Variants in HABP4 observed in about 807,000 individuals in gnomAD.
HABP4 encodes hyaluronan binding protein 4, also known as intracellular hyaluronan-binding protein 4.
In HABP4, 32 loss-of-function variants were observed where a neutral mutation model predicts 44.1. The ratio of observed to expected loss-of-function variants is 0.73; its 90% confidence interval spans 0.55 to 0.97. The LOEUF (loss-of-function observed/expected upper bound fraction) is 0.97, where lower values mean the gene tolerates loss of function less well. Among genes scored for constraint, HABP4 ranks in the 50% least tolerant of loss-of-function variants. The pLI is 0.00. For synonymous variants in HABP4, 216 were observed against 218.0 expected, an observed-to-expected ratio of 0.99 and a Z score of 0.08; for missense variants, 503 against 561.9, an observed-to-expected ratio of 0.90 and a Z score of 1.06.
intron 1 of HABP4, among the ~76,000 whole-genome samples, chr9:96,456,792 T>A (rs1425305089): frequency 0.012 from 909 of 74,124 alleles, 6 homozygotes; most frequent in African/African-American, 0.016. Flanking sequence ...TATATATATA[T>A]ATATATATAT....
chr9:96,485,900 A>AT (rs1487380782), intron 6 of HABP4, among the ~76,000 whole-genome samples: 1 of 151,918 alleles, frequency 6.6e-6, no homozygotes, highest in East Asian at 1.9e-4. Flanking sequence ...GGTTAGTTTC[A>AT]TTTTCTGAGT....
Position 96,490,297 on chromosome 9 carries a change from T to C in HABP4, c.*259T>C, listed in dbSNP as rs959976836. On this transcript the variant is annotated 3_prime_UTR_variant, in exon 8 of 8. Transcript: ENST00000375249. Reference sequence around the variant, plus strand: ...CAAATGAAGAATAATGTTTAAAATGTGTATATAGAGATAGTATAGACTCCT... The same window carrying C: ...CAAATGAAGAATAATGTTTAAAATGCGTATATAGAGATAGTATAGACTCCT... 1.9e-6 allele frequency: 1 copy of C among 523,392 alleles called. No homozygotes were observed. Among genetic ancestry groups the C allele is most frequent in the Admixed American group, 3.2e-5 (1 of 31,052 alleles). The allele number at this position is 523,392 out of a possible 1,614,324, so 32.4% of individuals were successfully genotyped here.
intron 5 of HABP4, among the ~76,000 whole-genome samples, chr9:96,478,410 C>T (rs968318157): frequency 2.0e-5 from 3 of 152,046 alleles, no homozygotes; most frequent in South Asian, 2.1e-4. Flanking sequence ...GGATTACAGG[C>T]GTGAGCCACC....
chr9:96,472,751 G>T (rs779003710), intron 5 of HABP4, among the ~76,000 whole-genome samples: 11 of 152,156 alleles, frequency 7.2e-5, no homozygotes, highest in Non-Finnish European at 1.2e-4. Context: ...TCCGTCAGCT[G>T]CCTCTTTCAG....
intron 4 of HABP4, among the ~76,000 whole-genome samples, chr9:96,470,432 G>A (rs977704886): frequency 1.3e-5 from 2 of 152,062 alleles, no homozygotes; most frequent in African/African-American, 2.4e-5. Flanking sequence ...TGCCGGCCTG[G>A]AACCTTCATT....
intron 7 of HABP4, 97 bp from the exon 8 acceptor site, chr9:96,489,885 G>A (rs573966993): frequency 1.0e-5 from 8 of 803,626 alleles, no homozygotes; most frequent in Non-Finnish European, 1.8e-5. Context: ...TCTAATGCAG[G>A]CCCCTCAGCG....
intron 2 of HABP4, among the ~76,000 whole-genome samples, chr9:96,459,830 T>A (rs1832468682): frequency 6.6e-6 from 1 of 152,230 alleles, no homozygotes; most frequent in East Asian, 1.9e-4. Flanking sequence ...ACTGTTCACC[T>A]GGAAGTTACA....
intron 5 of HABP4, among the ~76,000 whole-genome samples, chr9:96,475,474 T>C (rs1486686162): frequency 6.6e-6 from 1 of 152,074 alleles, no homozygotes; most frequent in Non-Finnish European, 1.5e-5. Flanking sequence ...TGCTACCATG[T>C]CTTAATTCAT....
At chr9:96,482,826 CTT>C (rs559997497) in intron 5 of HABP4, among the ~76,000 whole-genome samples, 2 of 151,546 alleles carry the variant, frequency 1.3e-5, no homozygotes, top group African/African-American at 4.9e-5. Context: ...TGTATTAATA[CTT>C]TGTTTCTTTT....
chr9:96,472,484 C>T (rs118189037), intron 5 of HABP4, among the ~76,000 whole-genome samples: 1,818 of 152,284 alleles, frequency 0.012, 19 homozygotes, highest in Non-Finnish European at 0.018. Flanking sequence ...TCATCATCCT[C>T]CCACTGCCAA....
chr9:96,474,564 G>A (rs1832749689), intron 5 of HABP4, among the ~76,000 whole-genome samples: 2 of 152,120 alleles, frequency 1.3e-5, no homozygotes, highest in Admixed American at 6.5e-5. Flanking sequence ...CTGCTGACCT[G>A]GGGGGAAAGT....
chr9:96,490,146 C>T lies in HABP4; in HGVS notation c.*108C>T. The T allele has an allele frequency of 1.3e-6, 1 of 742,636 alleles. No homozygotes were observed. The highest frequency in any genetic ancestry group is 1.5e-5 in the South Asian group (1 of 65,736). 46.0% of individuals were successfully genotyped at this position (742,636 alleles called of 1,614,324 possible). A position where few individuals can be genotyped will look rare whatever the true frequency, so the allele number is the denominator to read the frequency against. On this transcript the variant is annotated 3_prime_UTR_variant, in exon 8 of 8. Transcript: ENST00000375249. ...CTAAGAACAATAGATGTTGCTTTTC[C>T]CGTGTCATGTAAATTTGTTGCACTT... is the stretch of plus-strand genomic sequence containing the variant.
intron 4 of HABP4, among the ~76,000 whole-genome samples, chr9:96,467,496 CTCTTTT>C (rs1174706604): frequency 1.2e-4 from 18 of 147,714 alleles, no homozygotes; most frequent in Admixed American, 6.7e-4. Context: ...CTTTCTCTTT[CTCTTTT>C]TCTTTTTCTT....
chr9:96,487,869 C>G (rs901069567), intron 6 of HABP4, among the ~76,000 whole-genome samples: 1 of 152,178 alleles, frequency 6.6e-6, no homozygotes, highest in African/African-American at 2.4e-5. Flanking sequence ...GAATGTGGGA[C>G]TCTAGAACAT....
intron 6 of HABP4, among the ~76,000 whole-genome samples, chr9:96,487,446 G>A (rs1832995065): frequency 6.6e-6 from 1 of 152,140 alleles, no homozygotes; most frequent in Non-Finnish European, 1.5e-5. Flanking sequence ...TTCTTAAAAA[G>A]CAGCTTGACT....
chr9:96,460,104 G>A (rs2131122526), intron 2 of HABP4, among the ~76,000 whole-genome samples: 1 of 152,010 alleles, frequency 6.6e-6, no homozygotes, highest in East Asian at 1.9e-4. Flanking sequence ...CCCTTTTTTA[G>A]TAGCAAGACT....
At chr9:96,467,806 G>A (rs1032086405) in intron 4 of HABP4, among the ~76,000 whole-genome samples, 1 of 152,130 alleles carries the variant, frequency 6.6e-6, no homozygotes, top group Non-Finnish European at 1.5e-5. Context: ...GATTACAGGC[G>A]TGAGCTACCG....
At chr9:96,484,702 C>A in intron 6 of HABP4, 69 bp downstream of exon 6, 1 of 833,256 alleles carries the variant, frequency 1.2e-6, no homozygotes. Flanking sequence ...ATGTACCTTT[C>A]CACTTCTGTC....
intron 2 of HABP4, among the ~76,000 whole-genome samples, chr9:96,459,490 A>C (rs573641483): frequency 6.6e-6 from 1 of 152,272 alleles, no homozygotes; most frequent in South Asian, 2.1e-4. Flanking sequence ...TATGTTTGGC[A>C]CTTGCTGCTT....
Sources: gnomAD v4.1 joint callset for allele counts (sites outside exome capture counted in the v4.1 genomes callset) on GRCh38, gnomAD v4.1.1 for gene constraint, MANE v1.5 for transcripts, NCBI Gene and HGNC (gene_info 2026-07-23, HGNC 2026-07-21) for gene names.